Variants in CARF observed in about 807,000 individuals in gnomAD.
CARF encodes the protein calcium responsive transcription factor, also known as calcium-responsive transcription factor.
CARF carries 57 observed loss-of-function variants against 82.0 expected under a neutral mutation model. That is an observed-to-expected ratio of 0.70 (90% confidence interval 0.56 to 0.87). The LOEUF is 0.87. CARF is among the 40% of genes least tolerant of loss of function. CARF has a pLI of 0.00. For missense variants in CARF, 771 were observed against 855.8 expected, an observed-to-expected ratio of 0.90 and a Z score of 1.24; for synonymous variants, 268 against 290.1, an observed-to-expected ratio of 0.92 and a Z score of 0.77.
At chr2:202,975,691 T>A (rs1480632172) in intron 13 of CARF, among the ~76,000 whole-genome samples, 1 of 152,224 alleles carries the variant, frequency 6.6e-6, no homozygotes, top group Admixed American at 6.5e-5. Context: ...TTAACAGACA[T>A]TTATTGAGTA....
rs1243080450 is a variant in CARF at position 202,982,187 on chromosome 2, T to C, written c.1805T>C (p.Val602Ala). The C allele has an allele frequency of 6.2e-7, 1 of 1,614,180 alleles. No individual in the cohort carries two copies. Among genetic ancestry groups the C allele is most frequent in the Non-Finnish European group, 8.5e-7 (1 of 1,180,018 alleles). ...CTTCTGGATACAATAGGAAGTGCTGTAATGAATAATAATTCTCTACTGCTT... is the reference window on the plus strand; with the variant it reads ...CTTCTGGATACAATAGGAAGTGCTGCAATGAATAATAATTCTCTACTGCTT... Reference protein sequence around the residue: ...SGLLDTIGSAVMNNNSLLLGQ... With the variant: ...SGLLDTIGSAAMNNNSLLLGQ... The change falls in exon 16 of 17, where the codon GTA becomes GCA. Residue 602 changes from valine to alanine, a missense_variant. Val to Ala is a moderately conservative substitution (Grantham distance 64). Transcript: ENST00000438828.
chr2:202,936,041 T>A (rs964446855), intron 3 of CARF, among the ~76,000 whole-genome samples: 3 of 151,922 alleles, frequency 2.0e-5, no homozygotes. Flanking sequence ...TGAACTCCCA[T>A]GCTGGTCTCA....
At position 202,986,885 on chromosome 2, in the gene CARF, T is replaced by TATACATATATATATATATATATATAC. The variant is rs1553584556; in HGVS notation, c.*3264_*3265insCATATATATATATATATATATACATA. ...GTCTGTGCGTATATATATATATATATATATATATATATATATATATATAGC... is the reference window on the plus strand; with the variant it reads ...GTCTGTGCGTATATATATATATATATATACATATATATATATATATATATACATATATATATATATATATATATAGC... On this transcript the variant is annotated 3_prime_UTR_variant, in exon 17 of 17. Transcript: ENST00000438828. The TATACATATATATATATATATATATAC allele has an allele frequency of 1.1e-5, 1 of 94,346 alleles. No homozygotes were observed. Among genetic ancestry groups the TATACATATATATATATATATATATAC allele is most frequent in the African/African-American group, 3.1e-5 (1 of 32,226 alleles). The allele number at this position is 94,346 out of a possible 1,614,324, so 5.8% of individuals were successfully genotyped here. A position where few individuals can be genotyped will look rare whatever the true frequency, so the allele number is the denominator to read the frequency against.
chr2:202,966,929 G>C (rs1343049273), intron 9 of CARF, 49 bp from the exon 10 acceptor site: 1 of 1,594,438 alleles, frequency 6.3e-7, no homozygotes, highest in African/African-American at 1.3e-5. Flanking sequence ...CTAGTGTCTA[G>C]AATAGATGGA....
intron 10 of CARF, among the ~76,000 whole-genome samples, chr2:202,968,024 A>G (rs1027025957): frequency 1.3e-5 from 2 of 152,226 alleles, no homozygotes; most frequent in African/African-American, 4.8e-5. Context: ...ATTAAGTAAA[A>G]TAAAAAATTT....
chr2:202,953,391 C>T (rs2058848254), intron 6 of CARF, among the ~76,000 whole-genome samples: 1 of 151,174 alleles, frequency 6.6e-6, no homozygotes. Flanking sequence ...CTCTTTTCCT[C>T]TTTCCTTGGC....
intron 5 of CARF, among the ~76,000 whole-genome samples, chr2:202,951,846 T>TG (rs2058767973): frequency 6.6e-6 from 1 of 151,946 alleles, no homozygotes; most frequent in Non-Finnish European, 1.5e-5. Flanking sequence ...CTTTTTTTTT[T>TG]TTTTGAGACA....
chr2:202,979,671 C>T (rs1417530979), intron 14 of CARF, among the ~76,000 whole-genome samples: 1 of 151,740 alleles, frequency 6.6e-6, no homozygotes, highest in Non-Finnish European at 1.5e-5. Context: ...CATGGTGTCA[C>T]ACACCTGTAG....
intron 3 of CARF, among the ~76,000 whole-genome samples, chr2:202,928,891 G>A (rs1418078366): frequency 2.0e-5 from 3 of 151,928 alleles, no homozygotes; most frequent in South Asian, 4.2e-4. Flanking sequence ...CACCATCCCC[G>A]GCTAATTTTT....
At chr2:202,919,676 C>A (rs188137928) in intron 2 of CARF, among the ~76,000 whole-genome samples, 38 of 152,234 alleles carry the variant, frequency 2.5e-4, no homozygotes, top group African/African-American at 8.9e-4. Flanking sequence ...AATTTGTTAA[C>A]CTATCCAGAA....
chr2:202,937,831 G>T (rs937084222), intron 3 of CARF, among the ~76,000 whole-genome samples: 6 of 151,768 alleles, frequency 4.0e-5, no homozygotes, highest in African/African-American at 1.5e-4. Context: ...CACCATGTTG[G>T]CTAGGCTGGT....
chr2:202,920,459 T>C (rs968620695), intron 2 of CARF, among the ~76,000 whole-genome samples: 9 of 152,130 alleles, frequency 5.9e-5, no homozygotes, highest in Non-Finnish European at 1.3e-4. Flanking sequence ...CTGTCCTAAA[T>C]TCATAATCTT....
At chr2:202,970,153 A>C in intron 11 of CARF, 91 bp downstream of exon 11, 1 of 1,202,288 alleles carries the variant, frequency 8.3e-7, no homozygotes, top group Non-Finnish European at 1.2e-6. Flanking sequence ...TTTTCCAACT[A>C]TTTCATTAAG....
At chr2:202,935,226 TAATA>T (rs1216518638) in intron 3 of CARF, among the ~76,000 whole-genome samples, 2 of 142,020 alleles carry the variant, frequency 1.4e-5, no homozygotes, top group Non-Finnish European at 3.0e-5. Context: ...TTTACTATAC[TAATA>T]TATATATTAT....
At chr2:202,960,339 T>C (rs2059251195) in intron 8 of CARF, among the ~76,000 whole-genome samples, 1 of 152,020 alleles carries the variant, frequency 6.6e-6, no homozygotes, top group African/African-American at 2.4e-5. Flanking sequence ...AACCTCCGTC[T>C]CCCAGGTTCA....
intron 9 of CARF, among the ~76,000 whole-genome samples, chr2:202,963,538 G>A (rs945876123): frequency 6.6e-6 from 1 of 152,166 alleles, no homozygotes; most frequent in Non-Finnish European, 1.5e-5. Context: ...ACCAGGATGG[G>A]GGATGGGGGA....
At chr2:202,946,343 G>A (rs559713974) in intron 5 of CARF, among the ~76,000 whole-genome samples, 3 of 151,864 alleles carry the variant, frequency 2.0e-5, no homozygotes, top group Non-Finnish European at 1.5e-5. Context: ...GAAATAACAC[G>A]ACACATCTAC....
intron 5 of CARF, among the ~76,000 whole-genome samples, chr2:202,947,328 G>A (rs1159642309): frequency 6.6e-6 from 1 of 152,094 alleles, no homozygotes; most frequent in African/African-American, 2.4e-5. Flanking sequence ...CCTTTGCAGG[G>A]ACATGGCTGA....
chr2:202,974,440 C>A lies in CARF; in HGVS notation c.1438C>A (p.Gln480Lys). 2.5e-6 allele frequency: 4 copies of A among 1,607,300 alleles called. No homozygotes were observed. The highest frequency in any genetic ancestry group is 3.4e-6 in the Non-Finnish European group (4 of 1,178,270). ...TATAAAAAATCACATCCATGAGGTA[C>A]AGAAATCCTTGAGAAATGGAGATAC... ...NDIKNHIHEV[Q>K]KSLRNGDTVY... The change falls in exon 13 of 17, where the codon CAG (glutamine) becomes AAG (lysine). Residue 480 changes from glutamine (Q) to lysine (K), a missense_variant. Coordinates refer to ENST00000438828, the MANE Select transcript of CARF (RefSeq NM_024744.17).
Sources: gnomAD v4.1 joint callset for allele counts (sites outside exome capture counted in the v4.1 genomes callset) on GRCh38, gnomAD v4.1.1 for gene constraint, MANE v1.5 for transcripts, NCBI Gene and HGNC (gene_info 2026-07-23, HGNC 2026-07-21) for gene names.